Variants in MCUB observed in about 807,000 individuals in gnomAD.
MCUB encodes calcium uniporter regulatory subunit MCUb, mitochondrial.
MCUB carries 46 observed loss-of-function variants against 41.4 expected under a neutral mutation model. The ratio of observed to expected loss-of-function variants is 1.11; its 90% CI spans 0.88 to 1.42. The LOEUF is 1.42. Among genes scored for constraint, MCUB ranks in the 40% most tolerant of loss-of-function variants. The probability of loss-of-function intolerance (pLI) is 0.00; values close to 1 mark genes in which losing one functional copy is unlikely to be tolerated. For synonymous variants in MCUB, 148 were observed against 148.2 expected, an observed-to-expected ratio of 1.00 and a Z score of 0.01; for missense variants, 403 against 404.9, an observed-to-expected ratio of 1.00 and a Z score of 0.04.
At chr4:109,603,520 C>T (rs568027073) in intron 1 of MCUB, among the ~76,000 whole-genome samples, 28 of 152,110 alleles carry the variant, frequency 1.8e-4, no homozygotes, top group South Asian at 1.5e-3. Flanking sequence ...GCCGCCACCC[C>T]GTCTAGGAAG....
At chr4:109,569,094 T>C (rs1377080318) in intron 1 of MCUB, among the ~76,000 whole-genome samples, 3 of 152,192 alleles carry the variant, frequency 2.0e-5, no homozygotes, top group Non-Finnish European at 4.4e-5. Flanking sequence ...TCACCCAGGC[T>C]GGAGTGCAGT....
intron 1 of MCUB, among the ~76,000 whole-genome samples, chr4:109,657,553 C>T (rs1337545625): frequency 6.6e-6 from 1 of 151,944 alleles, no homozygotes; most frequent in African/African-American, 2.4e-5. Context: ...TAATAAACTA[C>T]TGTAAGGTGA....
intron 1 of MCUB, among the ~76,000 whole-genome samples, chr4:109,621,763 C>T (rs1728254220): frequency 6.6e-6 from 1 of 152,166 alleles, no homozygotes; most frequent in Non-Finnish European, 1.5e-5. Flanking sequence ...ATTATAATGT[C>T]ACTATAAGTT....
At chr4:109,598,440 A>G (rs1019763570) in intron 1 of MCUB, among the ~76,000 whole-genome samples, 1 of 152,180 alleles carries the variant, frequency 6.6e-6, no homozygotes, top group African/African-American at 2.4e-5. Flanking sequence ...CAAAAAAAAT[A>G]CGAAAACCAG....
At chr4:109,580,622 G>A (rs1442920479) in intron 1 of MCUB, among the ~76,000 whole-genome samples, 2 of 152,178 alleles carry the variant, frequency 1.3e-5, no homozygotes, top group African/African-American at 2.4e-5. Context: ...GCATTTCTCT[G>A]ATGGCCAGTG....
rs1260075008 is a variant in MCUB, at chr4:109,664,245, T to C, written c.347-45T>C. On this transcript the variant is annotated intron_variant, in intron 3 of 7. Coordinates refer to ENST00000394650, the MANE Select transcript of MCUB (RefSeq NM_017918.5). ...CTATGTGTTGGAAAATGGTTCTTAC[T>C]GTTCTAAAACAAAGACATGCTCATG... The C allele has an allele frequency of 3.3e-6, 3 of 921,494 alleles. No homozygotes were observed. In the Admixed American group the frequency reaches 5.2e-5, roughly 16 times the overall value. The allele number at this position is 921,494 out of a possible 1,614,324, so 57.1% of individuals were successfully genotyped here. A position where few individuals can be genotyped will look rare whatever the true frequency, so the allele number is the denominator to read the frequency against.
chr4:109,585,852 C>G (rs539608752), intron 1 of MCUB, among the ~76,000 whole-genome samples: 6 of 152,262 alleles, frequency 3.9e-5, no homozygotes, highest in African/African-American at 1.2e-4. Context: ...TTGTGGGTAA[C>G]CTGACCTTTC....
chr4:109,588,265 T>A (rs1727353826), intron 1 of MCUB, among the ~76,000 whole-genome samples: 1 of 152,248 alleles, frequency 6.6e-6, no homozygotes, highest in Middle Eastern at 3.2e-3. Flanking sequence ...TGCTAAAGAA[T>A]GACACGCTGA....
chr4:109,626,708 G>A (rs1046648636), intron 1 of MCUB, among the ~76,000 whole-genome samples: 1 of 150,182 alleles, frequency 6.7e-6, no homozygotes, highest in African/African-American at 2.5e-5. Context: ...ACCTATTCGG[G>A]AGGCTGAGGC....
At chr4:109,583,873 T>C (rs1727242480) in intron 1 of MCUB, among the ~76,000 whole-genome samples, 1 of 152,156 alleles carries the variant, frequency 6.6e-6, no homozygotes, top group Admixed American at 6.6e-5. Context: ...GTTTATTGAT[T>C]TGTGTATGTT....
At chr4:109,599,447 G>A (rs1727677054) in intron 1 of MCUB, among the ~76,000 whole-genome samples, 1 of 152,040 alleles carries the variant, frequency 6.6e-6, no homozygotes, top group African/African-American at 2.4e-5. Context: ...AAAGTATGTG[G>A]TTTTAGAGTA....
At chr4:109,574,668 A>G (rs1726989324) in intron 1 of MCUB, among the ~76,000 whole-genome samples, 1 of 152,206 alleles carries the variant, frequency 6.6e-6, no homozygotes, top group African/African-American at 2.4e-5. Flanking sequence ...GAGGGCATAT[A>G]CAAGACGTTA....
At chr4:109,637,877 C>T (rs1440605765) in intron 1 of MCUB, among the ~76,000 whole-genome samples, 3 of 151,980 alleles carry the variant, frequency 2.0e-5, no homozygotes, top group East Asian at 1.9e-4. Context: ...CGACCTGTTC[C>T]CAAAACCCAT....
In MCUB at chr4:109,560,430, G is replaced by C; in HGVS notation, c.93G>C (p.Pro31=). 7.8e-7 allele frequency: 1 copy of C among 1,287,186 alleles called. No individual in the cohort carries two copies. The highest frequency in any genetic ancestry group is 9.8e-7 in the Non-Finnish European group (1 of 1,017,120). 79.7% of individuals were successfully genotyped at this position (1,287,186 alleles called of 1,614,324 possible). Residue 31 remains proline (P), a synonymous_variant, in exon 1 of 8, where the codon CCG becomes CCC. Coordinates refer to ENST00000394650, the MANE Select transcript of MCUB (RefSeq NM_017918.5). ...CGCGCCCGTGGCCGCTGCCGCCTCCGCCCCAGGTAAGAGCGGGTGCCGGGC... is the reference window on the plus strand; with the variant it reads ...CGCGCCCGTGGCCGCTGCCGCCTCCCCCCCAGGTAAGAGCGGGTGCCGGGC... ...RPARPWPLPP[P]PQVLRVKLCG... is the part of the protein sequence containing the mutation.
At chr4:109,565,899 T>G (rs1291471578) in intron 1 of MCUB, among the ~76,000 whole-genome samples, 3 of 151,340 alleles carry the variant, frequency 2.0e-5, no homozygotes, top group Non-Finnish European at 2.9e-5. Context: ...AGTGCAATGC[T>G]GTAACACAGT....
chr4:109,595,836 G>A (rs1367801627), intron 1 of MCUB, among the ~76,000 whole-genome samples: 2 of 152,174 alleles, frequency 1.3e-5, no homozygotes, highest in African/African-American at 4.8e-5. Context: ...TAAGAGTAGG[G>A]GTGGGGGTAA....
chr4:109,568,471 C>T (rs1726833459), intron 1 of MCUB, among the ~76,000 whole-genome samples: 1 of 152,076 alleles, frequency 6.6e-6, no homozygotes, highest in Non-Finnish European at 1.5e-5. Context: ...TGTATTTTCA[C>T]CCCTCGTTGC....
At chr4:109,682,993 C>G (rs1232584552) in intron 5 of MCUB, 5 of 343,158 alleles carry the variant, frequency 1.5e-5, no homozygotes, top group African/African-American at 8.5e-5. Context: ...GAGCTGCCAT[C>G]TTAAACTCTA....
chr4:109,646,648 C>G (rs1728844537), intron 1 of MCUB, among the ~76,000 whole-genome samples: 1 of 152,192 alleles, frequency 6.6e-6, no homozygotes, highest in Non-Finnish European at 1.5e-5. Flanking sequence ...TGCTACATAA[C>G]TTAGACAGCG....
Sources: gnomAD v4.1 joint callset for allele counts (sites outside exome capture counted in the v4.1 genomes callset) on GRCh38, gnomAD v4.1.1 for gene constraint, MANE v1.5 for transcripts, NCBI Gene and HGNC (gene_info 2026-07-23, HGNC 2026-07-21) for gene names.